The following PLXNA4 variants were observed in gnomAD, a reference collection of about 807,000 sequenced individuals.
PLXNA4 encodes plexin-A4.
A neutral mutation model predicts 191.8 loss-of-function variants in PLXNA4; 44 were observed. The ratio of observed to expected loss-of-function variants is 0.23; its 90% CI spans 0.18 to 0.29. The LOEUF is 0.29. Among genes scored for constraint, PLXNA4 ranks in the 10% least tolerant of loss-of-function variants. The pLI, the probability that PLXNA4 is intolerant of heterozygous loss-of-function variation, is 1.00. For synonymous variants in PLXNA4, 1,082 were observed against 1,009.5 expected (o/e 1.07, Z -1.36); for missense variants, 1,800 against 2,488.8 (o/e 0.72, Z 5.89).
intron 2 of PLXNA4, among the ~76,000 whole-genome samples, chr7:132,620,620 T>C (rs1318495642): frequency 6.6e-6 from 1 of 152,216 alleles, no homozygotes; most frequent in African/African-American, 2.4e-5. Flanking sequence ...TTGACATACA[T>C]AAATGTATAT....
At chr7:132,521,894 C>A (rs1033319271) in intron 1 of PLXNA4, among the ~76,000 whole-genome samples, 3 of 152,202 alleles carry the variant, frequency 2.0e-5, no homozygotes, top group Non-Finnish European at 2.9e-5. Context: ...GTCATGCCCT[C>A]TTCCTTTTTC....
intron 6 of PLXNA4, 134 bp from the exon 7 acceptor site, chr7:132,227,738 A>G: frequency 3.5e-6 from 4 of 1,157,802 alleles, no homozygotes; most frequent in Non-Finnish European, 4.9e-6. Context: ...CAATATTAAC[A>G]TGGAGAAGAG....
Position 132,365,360 on chromosome 7 carries a change from T to TGTGTGTGC in PLXNA4, c.1372-67139_1372-67138insGCACACAC. Among the ~76,000 whole-genome samples, 704 of 128,810 alleles carry TGTGTGTGC rather than the reference T, an allele frequency of 5.5e-3. 5 individuals are homozygous for TGTGTGTGC. The highest frequency in any genetic ancestry group is 0.02 in the African/African-American group (669 of 33,812). The allele number at this position is 128,810 out of a possible 152,430, so 84.5% of individuals were successfully genotyped here. ...GTGTGTGTGTGTGTGTGTGTGTGTG[T>TGTGTGTGC]GCGTGCGCGCGCATGCATGGGGCAA... On this transcript the variant is annotated intron_variant, in intron 3 of 31. Transcript: ENST00000321063.
At chr7:132,272,592 T>C (rs1382673369) in intron 4 of PLXNA4, among the ~76,000 whole-genome samples, 1 of 152,204 alleles carries the variant, frequency 6.6e-6, no homozygotes, top group Non-Finnish European at 1.5e-5. Flanking sequence ...ATTTATAGAG[T>C]AAAATCCAGG....
chr7:132,539,749 CATAA>C lies in PLXNA4; in HGVS notation c.-86-30974_-86-30971del, dbSNP rs1799990279. The stretch of plus-strand genomic sequence containing the variant: ...ATGTGCTTAGCAAATTGTAAGCACT[CATAA>C]ATATTTGCTAATATTGATCTTCCTA... On this transcript the variant is annotated intron_variant, in intron 1 of 31. Transcript: ENST00000321063. Among the ~76,000 whole-genome samples the C allele has an allele frequency of 2.0e-5, 3 of 152,208 alleles. No homozygotes were observed. In the South Asian group the frequency reaches 6.2e-4, roughly 31 times the overall value.
At chr7:132,619,957 T>A (rs1372564079) in intron 2 of PLXNA4, among the ~76,000 whole-genome samples, 1 of 152,152 alleles carries the variant, frequency 6.6e-6, no homozygotes, top group Middle Eastern at 3.2e-3. Context: ...CCCACCACCA[T>A]GCCCAGCTAA....
At chr7:132,454,807 C>T (rs1796254786) in intron 3 of PLXNA4, among the ~76,000 whole-genome samples, 1 of 151,970 alleles carries the variant, frequency 6.6e-6, no homozygotes, top group Non-Finnish European at 1.5e-5. Context: ...AGAAGCCAGC[C>T]CTGCCTATAC....
chr7:132,387,552 G>C (rs1359039641), intron 3 of PLXNA4, among the ~76,000 whole-genome samples: 1 of 152,196 alleles, frequency 6.6e-6, no homozygotes, highest in Non-Finnish European at 1.5e-5. Context: ...TCTGTCGCCA[G>C]GTAACTCTAT....
At chr7:132,384,391 C>T (rs1286874615) in intron 3 of PLXNA4, 3 of 985,420 alleles carry the variant, frequency 3.0e-6, no homozygotes, top group Non-Finnish European at 3.6e-6. Flanking sequence ...CCAAGTGTTT[C>T]CACTTCCTTC....
chr7:132,563,719 CTCCTCTTCCTCT>C (rs1163127315), intron 1 of PLXNA4, among the ~76,000 whole-genome samples: 6 of 116,290 alleles, frequency 5.2e-5, no homozygotes, highest in Admixed American at 8.5e-5. Flanking sequence ...CCTTCTCCTC[CTCCTCTTCCTCT>C]TCCTCCTCCT....
At position 132,126,047 on chromosome 7, in the gene PLXNA4, C is replaced by T. The variant is rs551548096; in HGVS notation, c.*4432G>A. On this transcript the variant is annotated 3_prime_UTR_variant, in exon 32 of 32. Coordinates refer to ENST00000321063, the MANE Select transcript of PLXNA4 (RefSeq NM_020911.2). ...CTGATAACAATACTGGCCCTTTGCTCGGTTAAGTATTTGACTTCACATTAC... is the reference window on the plus strand; with the variant it reads ...CTGATAACAATACTGGCCCTTTGCTTGGTTAAGTATTTGACTTCACATTAC... 7.9e-5 allele frequency: 12 copies of T among 152,330 alleles called. No individual in the cohort carries two copies. The South Asian group carries it at 1.7e-3, about 21-fold the overall frequency. 9.4% of individuals were successfully genotyped at this position (152,330 alleles called of 1,614,324 possible). A position where few individuals can be genotyped will look rare whatever the true frequency, so the allele number is the denominator to read the frequency against.
intron 4 of PLXNA4, among the ~76,000 whole-genome samples, chr7:132,295,311 T>C (rs529107033): frequency 5.3e-5 from 8 of 152,284 alleles, no homozygotes; most frequent in South Asian, 2.1e-4. Flanking sequence ...AGAGCTACTA[T>C]AGACATGTCT....
chr7:132,186,681 A>G (rs1001564194), intron 15 of PLXNA4, among the ~76,000 whole-genome samples: 1 of 152,240 alleles, frequency 6.6e-6, no homozygotes, highest in Admixed American at 6.5e-5. Flanking sequence ...TCACAGTGCA[A>G]GTCTGACCTA....
intron 3 of PLXNA4, among the ~76,000 whole-genome samples, chr7:132,428,941 C>T (rs554454556): frequency 1.4e-4 from 21 of 152,216 alleles, no homozygotes; most frequent in South Asian, 4.2e-4. Flanking sequence ...GGAAAGCTTT[C>T]GGGGTGCAAG....
intron 3 of PLXNA4, among the ~76,000 whole-genome samples, chr7:132,322,718 C>T (rs1802221331): frequency 6.6e-6 from 1 of 152,194 alleles, no homozygotes; most frequent in African/African-American, 2.4e-5. Context: ...CTCTTAAGCA[C>T]CTCCCGTGCT....
chr7:132,620,024 G>A (rs896911923), intron 2 of PLXNA4, among the ~76,000 whole-genome samples: 1 of 152,116 alleles, frequency 6.6e-6, no homozygotes, highest in Non-Finnish European at 1.5e-5. Flanking sequence ...GGATGGTCTC[G>A]AGCTCCTGAC....
intron 2 of PLXNA4, among the ~76,000 whole-genome samples, chr7:132,618,973 G>A (rs2116863973): frequency 6.6e-6 from 1 of 152,242 alleles, no homozygotes; most frequent in Non-Finnish European, 1.5e-5. Flanking sequence ...AATGCAAGAA[G>A]AGGACAGAAA....
chr7:132,352,643 C>T (rs993834370), intron 3 of PLXNA4, among the ~76,000 whole-genome samples: 3 of 152,232 alleles, frequency 2.0e-5, no homozygotes, highest in South Asian at 2.1e-4. Context: ...TATGGGGAAG[C>T]GAACACTCTC....
intron 4 of PLXNA4, among the ~76,000 whole-genome samples, chr7:132,272,839 C>T (rs2116338076): frequency 6.6e-6 from 1 of 152,294 alleles, no homozygotes; most frequent in Middle Eastern, 3.4e-3. Flanking sequence ...TGAAACCCAG[C>T]TCATATTTGG....
Sources: allele counts gnomAD v4.1 joint callset (sites outside exome capture counted in the v4.1 genomes callset), GRCh38; gene constraint gnomAD v4.1.1; transcripts MANE v1.5; gene names NCBI Gene and HGNC (gene_info 2026-07-23, HGNC 2026-07-21).